The following GSDME variants were observed in gnomAD, a reference collection of about 807,000 sequenced individuals.
The protein encoded by GSDME is gasdermin-E.
GSDME carries 44 observed loss-of-function variants against 47.5 expected under a neutral mutation model. That is an observed-to-expected ratio of 0.93 (90% confidence interval 0.73 to 1.19). GSDME has a LOEUF of 1.19. Ranked by LOEUF, GSDME falls within the 50% of genes most tolerant of loss-of-function variation. GSDME has a pLI of 0.00. For synonymous variants in GSDME, 258 were observed against 252.8 expected (o/e 1.02, Z -0.20); for missense variants, 663 against 604.2 (o/e 1.10, Z -1.02).
chr7:24,731,434 C>T (rs141479652), intron 3 of GSDME, among the ~76,000 whole-genome samples: 2 of 152,328 alleles, frequency 1.3e-5, no homozygotes, highest in African/African-American at 4.8e-5. Context: ...ATGGTGACCA[C>T]GCAGGTGCCT....
At chr7:24,703,051 CCA>C (rs1264112790) in intron 8 of GSDME, 1 of 482,788 alleles carries the variant, frequency 2.1e-6, no homozygotes, top group Non-Finnish European at 3.9e-6. Flanking sequence ...GCTCTGCATT[CCA>C]CAGAGGATAC....
the GSDME span, among the ~76,000 whole-genome samples, chr7:24,774,237 TC>T: frequency 9.9e-6 from 1 of 101,180 alleles, no homozygotes; most frequent in Non-Finnish European, 1.9e-5. Context: ...TATTGGTCTG[TC>T]TTCCCTCTCC....
chr7:24,768,983 A>G, the GSDME span, among the ~76,000 whole-genome samples: 1 of 152,224 alleles, frequency 6.6e-6, no homozygotes, highest in Non-Finnish European at 1.5e-5. This position sits in a 1 kb window ranked among gnomAD's most constrained non-coding sequence, Gnocchi z 5.6. Context: ...AACAGACCTA[A>G]GTGACTGCTG....
rs896970780 is a variant in GSDME at position 24,716,123 on chromosome 7, A to AAGCAGGAGGC, written c.697+1121_697+1130dup. On this transcript the variant is annotated intron_variant, in intron 5 of 9. Coordinates refer to ENST00000645220, the MANE Select transcript of GSDME (RefSeq NM_001127453.2). The surrounding 1 kb of genome is among the most constrained non-coding windows in gnomAD (Gnocchi z 4.5). Reference sequence around the variant, plus strand: ...CACCCGCCTTCCACAAATGGGGGAGAAGCAGGAGGCAGCAGCAGGCATGTG... The same window carrying AAGCAGGAGGC: ...CACCCGCCTTCCACAAATGGGGGAGAAGCAGGAGGCAGCAGGAGGCAGCAGCAGGCATGTG... Among the ~76,000 whole-genome samples, 7 of 152,164 alleles carry AAGCAGGAGGC rather than the reference A, an allele frequency of 4.6e-5. No homozygotes were observed. The highest frequency in any genetic ancestry group is 1.4e-4 in the African/African-American group (6 of 41,440).
chr7:24,761,268 G>A (rs1376852742), upstream of GSDME, among the ~76,000 whole-genome samples: 2 of 152,238 alleles, frequency 1.3e-5, no homozygotes, highest in South Asian at 2.1e-4. This position sits in a 1 kb window ranked among gnomAD's most constrained non-coding sequence, Gnocchi z 4.4. Context: ...TTGCCCATTC[G>A]GTTTGCTGTA....
chr7:24,769,717 A>C, the GSDME span, among the ~76,000 whole-genome samples: 1 of 152,204 alleles, frequency 6.6e-6, no homozygotes, highest in South Asian at 2.1e-4. Context: ...AGCTTTCAAC[A>C]AAAAATTGCG....
chr7:24,738,044 G>A (rs1398851697), intron 3 of GSDME, among the ~76,000 whole-genome samples: 1 of 152,090 alleles, frequency 6.6e-6, no homozygotes, highest in African/African-American at 2.4e-5. Context: ...AAAACTGAAA[G>A]CCTTTCCTCT....
chr7:24,785,173 T>C, the GSDME span, among the ~76,000 whole-genome samples: 2 of 152,202 alleles, frequency 1.3e-5, no homozygotes, highest in Non-Finnish European at 2.9e-5. Context: ...CATGTACTTA[T>C]TGTCTCTGGA....
chr7:24,778,079 G>C, the GSDME span, among the ~76,000 whole-genome samples: 5 of 146,052 alleles, frequency 3.4e-5, no homozygotes, highest in African/African-American at 1.3e-4. This position sits in a 1 kb window ranked among gnomAD's most constrained non-coding sequence, Gnocchi z 5.6. Context: ...AGAAAATGGT[G>C]GGGGAGGGAG....
At chr7:24,701,485 A>G (rs551028191) in intron 9 of GSDME, among the ~76,000 whole-genome samples, 1 of 138,372 alleles carries the variant, frequency 7.2e-6, no homozygotes, top group South Asian at 2.2e-4. Flanking sequence ...GATAACAGTT[A>G]GATAACATGG....
Position 24,707,383 on chromosome 7 carries a change from A to C in GSDME, c.990+744T>G, listed in dbSNP as rs186488799. 1,144 of 471,588 alleles carry C rather than the reference A, an allele frequency of 2.4e-3. 4 individuals carry two copies. The highest frequency in any genetic ancestry group is 3.7e-3 in the Non-Finnish European group (851 of 227,144). The allele number at this position is 471,588 out of a possible 1,614,324, so 29.2% of individuals were successfully genotyped here. ...CTTGTGTGGCTCTCACCATTTGTAC[A>C]ACTAAGAGTTAAGGAACTTGACCTC... On this transcript the variant is annotated intron_variant, in intron 7 of 9. Transcript: ENST00000645220.
intron 5 of GSDME, among the ~76,000 whole-genome samples, chr7:24,711,408 A>G (rs1312026281): frequency 1.3e-5 from 2 of 151,574 alleles, no homozygotes; most frequent in African/African-American, 2.4e-5. Context: ...TATTTTTAGT[A>G]AAGATGGGGT....
At chr7:24,718,042 T>A (rs1277434366) in intron 4 of GSDME, among the ~76,000 whole-genome samples, 1 of 152,238 alleles carries the variant, frequency 6.6e-6, no homozygotes, top group East Asian at 1.9e-4. Flanking sequence ...GGTCAGAGTG[T>A]GTTGCTTTGG....
Position 24,706,049 on chromosome 7 carries a change from C to G in GSDME, c.1183+135G>C, listed in dbSNP as rs191263837. On this transcript the variant is annotated intron_variant, in intron 8 of 9. Coordinates refer to ENST00000645220, the MANE Select transcript of GSDME (RefSeq NM_001127453.2). ...CATCAGCCTCCCACCTCTTACCCTC[C>G]CTGTACCAGAAGGGAAGGACCTGTA... is the stretch of plus-strand genomic sequence containing the variant. The G allele has an allele frequency of 5.9e-3, 6,715 of 1,131,962 alleles. 35 individuals carry two copies. Among genetic ancestry groups the G allele is most frequent in the Non-Finnish European group, 7.0e-3 (5,400 of 776,346 alleles). The allele number at this position is 1,131,962 out of a possible 1,614,324, so 70.1% of individuals were successfully genotyped here. A position where few individuals can be genotyped will look rare whatever the true frequency, so the allele number is the denominator to read the frequency against.
intron 3 of GSDME, among the ~76,000 whole-genome samples, chr7:24,740,028 G>A (rs1056550466): frequency 2.0e-5 from 3 of 151,670 alleles, no homozygotes; most frequent in Admixed American, 6.6e-5. Context: ...GGGAGGCGGA[G>A]GTTGCAGTGA....
Position 24,710,136 on chromosome 7 carries a change from TC to T in GSDME, c.862+87del, listed in dbSNP as rs35529766. The T allele has an allele frequency of 0.13, 180,476 of 1,384,966 alleles. 15,926 individuals carry two copies. Among genetic ancestry groups the T allele is most frequent in the East Asian group, 0.44 (19,201 of 43,834 alleles). 85.8% of individuals were successfully genotyped at this position (1,384,966 alleles called of 1,614,324 possible). A position where few individuals can be genotyped will look rare whatever the true frequency, so the allele number is the denominator to read the frequency against. On this transcript the variant is annotated intron_variant, in intron 6 of 9. Transcript: ENST00000645220. ...ATGTTTTCTGTGAGTCACTGAGGGG[TC>T]ACTGATGCTGAAGGCCACACCACCT...
the GSDME span, among the ~76,000 whole-genome samples, chr7:24,763,309 G>T: frequency 1.3e-5 from 2 of 151,792 alleles, no homozygotes; most frequent in East Asian, 3.9e-4. The surrounding 1 kb of genome is among the most constrained non-coding windows in gnomAD (Gnocchi z 4.3). Flanking sequence ...TCCATATTGA[G>T]AACTTTCACT....
At chr7:24,701,543 C>T (rs1032354376) in intron 9 of GSDME, among the ~76,000 whole-genome samples, 4 of 152,182 alleles carry the variant, frequency 2.6e-5, no homozygotes, top group Admixed American at 2.6e-4. Flanking sequence ...GTTGATGAAT[C>T]TGTAAATACT....
the GSDME span, among the ~76,000 whole-genome samples, chr7:24,784,444 T>C: frequency 6.6e-6 from 1 of 152,036 alleles, no homozygotes; most frequent in Non-Finnish European, 1.5e-5. Flanking sequence ...GACTTCAGTA[T>C]GTGGCTGAAG....
Sources: allele counts gnomAD v4.1 joint callset (sites outside exome capture counted in the v4.1 genomes callset), GRCh38; gene constraint gnomAD v4.1.1; non-coding constraint Gnocchi (gnomAD v3.1); transcripts MANE v1.5; gene names NCBI Gene and HGNC (gene_info 2026-07-23, HGNC 2026-07-21).